CTSH: variants seen among roughly 807,000 people sequenced by gnomAD.
CTSH encodes the protein pro-cathepsin H.
In CTSH, 52 loss-of-function variants were observed where a neutral mutation model predicts 56.3. The ratio of observed to expected loss-of-function variants is 0.92; its 90% confidence interval spans 0.74 to 1.16. The LOEUF (loss-of-function observed/expected upper bound fraction) is 1.16. Among genes scored for constraint, CTSH ranks in the 50% most tolerant of loss-of-function variants. The probability of loss-of-function intolerance (pLI) is 0.00; values close to 1 mark genes in which losing one functional copy is unlikely to be tolerated. For missense variants in CTSH, 406 were observed against 424.5 expected (o/e 0.96, Z 0.38); for synonymous variants, 174 against 155.7 (o/e 1.12, Z -0.88).
At chr15:78,937,266 C>G in intron 3 of CTSH, 52 bp downstream of exon 3, 1 of 1,513,332 alleles carries the variant, frequency 6.6e-7, no homozygotes, top group Non-Finnish European at 9.2e-7. Context: ...CTTTCATGGG[C>G]TGGGTCACTA....
chr15:78,928,822 G>A (rs947021595), intron 8 of CTSH, among the ~76,000 whole-genome samples: 1 of 152,156 alleles, frequency 6.6e-6, no homozygotes, highest in Non-Finnish European at 1.5e-5. Flanking sequence ...GCAGGCTGGC[G>A]GCAGGGTGGG....
At position 78,921,808 on chromosome 15, in the gene CTSH, TACAGAAAAG is replaced by T. The variant is rs1410529251; in HGVS notation, c.*313_*321del. On this transcript the variant is annotated 3_prime_UTR_variant, in exon 12 of 12. Transcript: ENST00000220166. Reference sequence around the variant, plus strand: ...CACTCAATGTTTATTGAACAGCGAATACAGAAAAGACAGTCCCTGGAGCTCTATATGTGG... The same window carrying T: ...CACTCAATGTTTATTGAACAGCGAATACAGTCCCTGGAGCTCTATATGTGG... 1.9e-5 allele frequency: 6 copies of T among 311,486 alleles called. No homozygotes were observed. The highest frequency in any genetic ancestry group is 3.6e-5 in the Non-Finnish European group (6 of 166,730). 19.3% of individuals were successfully genotyped at this position (311,486 alleles called of 1,614,324 possible).
chr15:78,922,692 C>T (rs2054798199), intron 11 of CTSH, among the ~76,000 whole-genome samples: 1 of 152,208 alleles, frequency 6.6e-6, no homozygotes, highest in Non-Finnish European at 1.5e-5. Flanking sequence ...CTCCCAGACA[C>T]TGATTTCGTG....
intron 5 of CTSH, among the ~76,000 whole-genome samples, chr15:78,934,387 A>G (rs1443798801): frequency 6.6e-6 from 1 of 152,198 alleles, no homozygotes; most frequent in Non-Finnish European, 1.5e-5. Flanking sequence ...GGCCGGGAGA[A>G]CAGCGGGGGC....
In CTSH at chr15:78,923,015, C is replaced by T. The variant is rs1451865453; in HGVS notation, c.910G>A (p.Gly304Ser). The T allele has an allele frequency of 4.3e-6, 7 of 1,612,466 alleles. No homozygotes were observed. Among genetic ancestry groups the T allele is most frequent in the East Asian group, 2.2e-5 (1 of 44,726 alleles). The stretch of plus-strand genomic sequence containing the variant: ...TACCCGTTCATTCCCCACTGGGGAC[C>T]CCAAGAGTTTTTCACGATCCAGTAA... Reference protein sequence around the residue: ...IPYWIVKNSWGPQWGMNGYFL... With the variant: ...IPYWIVKNSWSPQWGMNGYFL... The change falls in exon 11 of 12, where the codon GGT becomes AGT. Residue 304 changes from glycine to serine, a missense_variant. Transcript: ENST00000220166.
chr15:78,931,395 C>T (rs778855913), intron 7 of CTSH, 56 bp downstream of exon 7: 49 of 1,608,108 alleles, frequency 3.0e-5, no homozygotes, highest in Non-Finnish European at 3.9e-5. Context: ...TGGATCCTGT[C>T]GAAGCGGTCA....
chr15:78,941,644 A>C (rs911417305), intron 1 of CTSH, among the ~76,000 whole-genome samples: 2 of 151,360 alleles, frequency 1.3e-5, no homozygotes, highest in African/African-American at 2.4e-5. Flanking sequence ...TACAAAAAAC[A>C]AATTAGCCGG....
intron 11 of CTSH, among the ~76,000 whole-genome samples, chr15:78,922,755 C>T (rs2054799560): frequency 6.6e-6 from 1 of 152,256 alleles, no homozygotes; most frequent in African/African-American, 2.4e-5. Flanking sequence ...TCTGAGCCAG[C>T]TGGCCTCCTG....
chr15:78,931,591 C>A, intron 6 of CTSH, 85 bp from the exon 7 acceptor site: 1 of 1,607,466 alleles, frequency 6.2e-7, no homozygotes, highest in Non-Finnish European at 8.5e-7. Flanking sequence ...CCTGGCTGAG[C>A]CACATCTGAG....
At chr15:78,944,471 A>C in intron 1 of CTSH, 1 of 160,052 alleles carries the variant, frequency 6.2e-6, no homozygotes, top group Non-Finnish European at 1.4e-5. Flanking sequence ...CCAAGACACT[A>C]CGGGGATCCC....
In CTSH at chr15:78,922,856, T is replaced by C. The variant is rs2141512545; in HGVS notation, c.932+137A>G. On this transcript the variant is annotated intron_variant, in intron 11 of 11. Coordinates refer to ENST00000220166, the MANE Select transcript of CTSH (RefSeq NM_004390.5). ...GGAGGCTACATTCTCATGCTCCCTTTCCCCCTGGCCTGGCCTAGGGCTTGG... is the reference window on the plus strand; with the variant it reads ...GGAGGCTACATTCTCATGCTCCCTTCCCCCCTGGCCTGGCCTAGGGCTTGG... 4 of 1,029,576 alleles carry C rather than the reference T, an allele frequency of 3.9e-6. No homozygotes were observed. In the East Asian group the frequency reaches 8.1e-5, roughly 21 times the overall value. The allele number at this position is 1,029,576 out of a possible 1,614,324, so 63.8% of individuals were successfully genotyped here.
chr15:78,922,416 A>C (rs1325304558), intron 11 of CTSH, among the ~76,000 whole-genome samples: 2 of 152,162 alleles, frequency 1.3e-5, no homozygotes, highest in Non-Finnish European at 2.9e-5. Context: ...CTGCCAAATG[A>C]ATGATCCATA....
intron 8 of CTSH, among the ~76,000 whole-genome samples, chr15:78,929,014 G>C (rs7163828): frequency 0.1 from 15,118 of 151,712 alleles, 808 homozygotes; most frequent in East Asian, 0.25. Flanking sequence ...GCCTTGATAG[G>C]GTAGGGGTGG....
chr15:78,922,962 C>T, intron 11 of CTSH, 31 bp downstream of exon 11: 1 of 1,591,142 alleles, frequency 6.3e-7, no homozygotes, highest in African/African-American at 1.4e-5. Flanking sequence ...CAACATCCCC[C>T]TCCCAGAAGT....
At chr15:78,939,626 G>A (rs899912384) in intron 1 of CTSH, among the ~76,000 whole-genome samples, 2 of 152,218 alleles carry the variant, frequency 1.3e-5, no homozygotes, top group Non-Finnish European at 2.9e-5. Context: ...GGTGGCTCAT[G>A]CCTGTAATCC....
rs34594037 is a variant in CTSH, at chr15:78,941,795, CA to C, written c.92-2625del. On this transcript the variant is annotated intron_variant, in intron 1 of 11. Transcript: ENST00000220166. ...TGGGCGACAGAATGAGACTCCGTCT[CA>C]AAAAAAAAAAAAAAAATTTATTCTG... 2.6e-3 allele frequency among the ~76,000 whole-genome samples: 317 copies of C among 121,676 alleles called. 1 individual carries two copies. Among genetic ancestry groups the C allele is most frequent in the African/African-American group, 6.2e-3 (178 of 28,758 alleles). The allele number at this position is 121,676 out of a possible 152,430, so 79.8% of individuals were successfully genotyped here.
At chr15:78,928,844 G>T (rs958290551) in intron 8 of CTSH, among the ~76,000 whole-genome samples, 1 of 152,128 alleles carries the variant, frequency 6.6e-6, no homozygotes, top group African/African-American at 2.4e-5. Flanking sequence ...TGGAGAGGGG[G>T]ACCGGCCCAA....
chr15:78,927,690 C>G, intron 9 of CTSH, 23 bp downstream of exon 9: 1 of 1,611,772 alleles, frequency 6.2e-7, no homozygotes, highest in Non-Finnish European at 8.5e-7. Context: ...CATTCCCCAT[C>G]CCAGAGGGGG....
chr15:78,934,193 T>A (rs971801918), intron 5 of CTSH, among the ~76,000 whole-genome samples: 22 of 152,210 alleles, frequency 1.4e-4, no homozygotes, highest in African/African-American at 4.8e-4. Context: ...CCCGGGAGGC[T>A]TTAAAGCTGT....
Sources: gnomAD v4.1 joint callset for allele counts (sites outside exome capture counted in the v4.1 genomes callset) on GRCh38, gnomAD v4.1.1 for gene constraint, MANE v1.5 for transcripts, NCBI Gene and HGNC (gene_info 2026-07-23, HGNC 2026-07-21) for gene names.